Variants in TRMT44 observed in about 807,000 individuals in gnomAD.
TRMT44 encodes the protein probable tRNA (uracil-O(2)-)-methyltransferase.
TRMT44 carries 78 observed loss-of-function variants against 77.3 expected under a neutral mutation model. The ratio of observed to expected loss-of-function variants is 1.01; its 90% confidence interval spans 0.84 to 1.22. The LOEUF (loss-of-function observed/expected upper bound fraction) is 1.22. Among genes scored for constraint, TRMT44 ranks in the 50% most tolerant of loss-of-function variants. The pLI, the probability that TRMT44 is intolerant of heterozygous loss-of-function variation, is 0.00. For missense variants in TRMT44, 1,090 were observed against 964.4 expected, an observed-to-expected ratio of 1.13 and a Z score of -1.73; for synonymous variants, 391 against 383.3, an observed-to-expected ratio of 1.02 and a Z score of -0.23.
intron 2 of TRMT44, among the ~76,000 whole-genome samples, chr4:8,488,347 A>T (rs1200353122): frequency 2.0e-5 from 3 of 152,200 alleles, no homozygotes; most frequent in Non-Finnish European, 4.4e-5. Flanking sequence ...AGGTGGGCTG[A>T]GTCCAAAAGA....
chr4:8,482,866 GAAAAAT>G (rs1322741048), intron 2 of TRMT44, among the ~76,000 whole-genome samples: 2 of 141,138 alleles, frequency 1.4e-5, no homozygotes, highest in African/African-American at 5.3e-5. Context: ...ATAATAATAA[GAAAAAT>G]AAAATAGTGT....
the TRMT44 span, among the ~76,000 whole-genome samples, chr4:8,499,773 G>A: frequency 1.3e-5 from 2 of 152,186 alleles, no homozygotes; most frequent in Non-Finnish European, 2.9e-5. Flanking sequence ...GAGGAGGTTG[G>A]GAGGAGGGAC....
the TRMT44 span, among the ~76,000 whole-genome samples, chr4:8,503,522 T>C: frequency 1.1e-3 from 162 of 152,288 alleles, 2 homozygotes; most frequent in African/African-American, 3.8e-3. Context: ...GGCCCCAGCC[T>C]GCAGAATGAT....
rs916129193 is a variant in TRMT44, at chr4:8,465,333, T to C, written c.1311-45T>C. On this transcript the variant is annotated intron_variant, in intron 7 of 10. Transcript: ENST00000389737. Reference sequence around the variant, plus strand: ...TTTGTTCCGAATTTCCTTGACTGCGTCTGCTCAGGATGCTTGACCCTGTGG... The same window carrying C: ...TTTGTTCCGAATTTCCTTGACTGCGCCTGCTCAGGATGCTTGACCCTGTGG... 3 of 1,548,830 alleles carry C rather than the reference T, an allele frequency of 1.9e-6. No homozygotes were observed. In the East Asian group the frequency reaches 6.8e-5, roughly 35 times the overall value.
the TRMT44 span, among the ~76,000 whole-genome samples, chr4:8,511,407 C>A: frequency 6.6e-6 from 1 of 152,166 alleles, no homozygotes; most frequent in Non-Finnish European, 1.5e-5. Flanking sequence ...AAATGCCCAC[C>A]TCTTAATCTC....
At chr4:8,483,614 T>C (rs1024967597) in intron 2 of TRMT44, among the ~76,000 whole-genome samples, 1 of 152,234 alleles carries the variant, frequency 6.6e-6, no homozygotes, top group African/African-American at 2.4e-5. Context: ...GAGGTGTGTT[T>C]TTAAAAGACC....
intron 6 of TRMT44, among the ~76,000 whole-genome samples, chr4:8,457,469 A>G (rs780942834): frequency 6.6e-6 from 1 of 152,190 alleles, no homozygotes; most frequent in African/African-American, 2.4e-5. Flanking sequence ...GTTAACACCA[A>G]TGGTGTTGAT....
At chr4:8,483,081 T>A (rs1727679204) in intron 2 of TRMT44, among the ~76,000 whole-genome samples, 1 of 152,052 alleles carries the variant, frequency 6.6e-6, no homozygotes, top group African/African-American at 2.4e-5. Context: ...GAATTATTGG[T>A]GATGGCCTGG....
intron 9 of TRMT44, among the ~76,000 whole-genome samples, chr4:8,470,516 T>G (rs1726909599): frequency 6.6e-6 from 1 of 152,274 alleles, no homozygotes; most frequent in Non-Finnish European, 1.5e-5. Flanking sequence ...GTTTTCTGAT[T>G]AGAGCATTTT....
At chr4:8,492,119 C>T (rs780184157) in intron 2 of TRMT44, among the ~76,000 whole-genome samples, 25 of 152,214 alleles carry the variant, frequency 1.6e-4, no homozygotes, top group Admixed American at 2.6e-4. Flanking sequence ...TCCAGAATAG[C>T]GAGGTTTCCT....
the TRMT44 span, among the ~76,000 whole-genome samples, chr4:8,502,193 G>A: frequency 6.6e-6 from 1 of 152,172 alleles, no homozygotes; most frequent in African/African-American, 2.4e-5. Context: ...AGAATACTCT[G>A]CCAGGAATGA....
At position 8,440,999 on chromosome 4, in the gene TRMT44, C is replaced by G; in HGVS notation, c.177C>G (p.Pro59=). 6.6e-7 allele frequency: 1 copy of G among 1,519,588 alleles called. No homozygotes were observed. The highest frequency in any genetic ancestry group is 8.8e-7 in the Non-Finnish European group (1 of 1,140,768). The allele number at this position is 1,519,588 out of a possible 1,614,324, so 94.1% of individuals were successfully genotyped here. ...TGCCCTGCGCGGAGGCCCGCGGCCC[C>G]GGGACTAGCGCAGGCTCGGAGCAGA... ...AALPCAEARG[P]GTSAGSEQKE... Residue 59 remains proline (P), a synonymous_variant, in exon 1 of 11, where the codon CCC becomes CCG. Coordinates refer to ENST00000389737, the MANE Select transcript of TRMT44 (RefSeq NM_152544.3).
chr4:8,493,349 C>G (rs1203026930), exon 3 of TRMT44: 1 of 152,210 alleles, frequency 6.6e-6, no homozygotes, highest in Non-Finnish European at 1.5e-5. Flanking sequence ...CAGGAATGGA[C>G]TCAGCTCAAG....
At position 8,461,325 on chromosome 4, in the gene TRMT44, C is replaced by T. The variant is rs1275700648; in HGVS notation, c.1204-2660C>T. Among the ~76,000 whole-genome samples the T allele has an allele frequency of 6.6e-6, 1 of 152,184 alleles. No individual in the cohort carries two copies. The highest frequency in any genetic ancestry group is 1.5e-5 in the Non-Finnish European group (1 of 68,044). On this transcript the variant is annotated intron_variant, in intron 6 of 10. Coordinates refer to ENST00000389737, the MANE Select transcript of TRMT44 (RefSeq NM_152544.3). This position sits in a 1 kb window ranked among gnomAD's most constrained non-coding sequence, Gnocchi z 4.6. ...TGCAAATATGTGTGTAGACTATAGA[C>T]TCTCACACATGTCCCAGAATCGGGC...
chr4:8,469,284 G>C (rs1042338950), intron 9 of TRMT44, among the ~76,000 whole-genome samples: 2 of 152,202 alleles, frequency 1.3e-5, no homozygotes, highest in African/African-American at 4.8e-5. Context: ...CTCAGTGGCT[G>C]ATGGGGCCGA....
At chr4:8,475,119 T>C (rs1428506904) in intron 10 of TRMT44, among the ~76,000 whole-genome samples, 2 of 152,332 alleles carry the variant, frequency 1.3e-5, no homozygotes, top group East Asian at 3.9e-4. Context: ...GAGGCGCATG[T>C]AAACCCAGTG....
intron 2 of TRMT44, among the ~76,000 whole-genome samples, chr4:8,486,891 G>A (rs771476324): frequency 1.4e-4 from 21 of 152,130 alleles, no homozygotes; most frequent in African/African-American, 3.4e-4. Context: ...AGCTCAGCCC[G>A]GCGAGGAGCA....
chr4:8,498,251 C>G (rs1284404344), downstream of TRMT44, among the ~76,000 whole-genome samples: 2 of 152,342 alleles, frequency 1.3e-5, no homozygotes, highest in East Asian at 1.9e-4. This position sits in a 1 kb window ranked among gnomAD's most constrained non-coding sequence, Gnocchi z 4.3. Context: ...ACTGCAGGGT[C>G]TGGCAGTTTC....
At chr4:8,447,594 A>G (rs1725140706) in intron 2 of TRMT44, among the ~76,000 whole-genome samples, 1 of 152,170 alleles carries the variant, frequency 6.6e-6, no homozygotes, top group African/African-American at 2.4e-5. Context: ...TCACCTTGAA[A>G]TGGGTTTAAT....
Sources: gnomAD v4.1 joint callset for allele counts (sites outside exome capture counted in the v4.1 genomes callset) on GRCh38, gnomAD v4.1.1 for gene constraint, Gnocchi (gnomAD v3.1) non-coding constraint, MANE v1.5 for transcripts, NCBI Gene and HGNC (gene_info 2026-07-23, HGNC 2026-07-21) for gene names.